Variants in GALNT6 observed in about 807,000 individuals in gnomAD.
The protein encoded by GALNT6 is polypeptide N-acetylgalactosaminyltransferase 6, also known as GalNAc transferase 6.
In GALNT6, 51 loss-of-function variants were observed where a neutral mutation model predicts 65.9. The observed-to-expected ratio is 0.77, with a 90% CI of 0.62 to 0.98. The LOEUF is 0.98. Ranked by LOEUF, GALNT6 falls within the 50% of genes least tolerant of loss-of-function variation. The pLI, the probability that GALNT6 is intolerant of heterozygous loss-of-function variation, is 0.00. For missense variants in GALNT6, 708 were observed against 803.3 expected, an observed-to-expected ratio of 0.88 and a Z score of 1.43; for synonymous variants, 323 against 315.1, an observed-to-expected ratio of 1.02 and a Z score of -0.26.
chr12:51,387,236 T>C lies in GALNT6; in HGVS notation c.-104+3614A>G, dbSNP rs532822965. On this transcript the variant is annotated intron_variant, in intron 2 of 11. Transcript: ENST00000356317. The surrounding 1 kb of genome is among the most constrained non-coding windows in gnomAD (Gnocchi z 4.2). ...CCTCAGCCTCCCGGGTAGCTGGGAT[T>C]ACAGGCGCCCGCCACCACGTCCGGC... 6.6e-6 allele frequency among the ~76,000 whole-genome samples: 1 copy of C among 152,278 alleles called. No individual in the cohort carries two copies. Among genetic ancestry groups the C allele is most frequent in the Admixed American group, 6.5e-5 (1 of 15,304 alleles).
rs1946780723 is a variant in GALNT6 at position 51,357,403 on chromosome 12, G to A, written c.1548C>T (p.Asn516=). Residue 516 remains asparagine (N), a synonymous_variant, in exon 10 of 12, where the codon AAC becomes AAT. Transcript: ENST00000356317. The part of the protein sequence containing the change: ...TNQCLDVGEN[N]RGGKPLIMYS... Reference sequence around the variant, plus strand: ...ACATGATGAGGGGCTTCCCCCCGCGGTTGTTCTCACCCACATCCAGGCATT... The same window carrying A: ...ACATGATGAGGGGCTTCCCCCCGCGATTGTTCTCACCCACATCCAGGCATT... 1 of 1,613,982 alleles carries A rather than the reference G, an allele frequency of 6.2e-7. No individual in the cohort carries two copies. The highest frequency in any genetic ancestry group is 1.7e-5 in the Admixed American group (1 of 60,012).
intron 2 of GALNT6, 70 bp downstream of exon 2, chr12:51,390,780 G>A (rs756874654): frequency 6.6e-6 from 1 of 152,318 alleles, no homozygotes; most frequent in African/African-American, 2.4e-5. Flanking sequence ...CTGCTAGAAG[G>A]GGTCTGCTGT....
chr12:51,359,944 T>C (rs892111022), intron 7 of GALNT6: 1 of 152,234 alleles, frequency 6.6e-6, no homozygotes, highest in African/African-American at 2.4e-5. Flanking sequence ...TTTTGGGTTT[T>C]AGGTGGGAAA....
chr12:51,368,401 T>A (rs1947180938), intron 4 of GALNT6, among the ~76,000 whole-genome samples: 1 of 151,424 alleles, frequency 6.6e-6, no homozygotes, highest in African/African-American at 2.4e-5. Context: ...CCATGTTTTT[T>A]TTTTTTTTCT....
chr12:51,366,089 T>C (rs971952635), intron 4 of GALNT6, among the ~76,000 whole-genome samples: 5 of 152,212 alleles, frequency 3.3e-5, no homozygotes, highest in Admixed American at 2.6e-4. Context: ...GGCTCATTTT[T>C]ACATTTTTAG....
intron 3 of GALNT6, among the ~76,000 whole-genome samples, chr12:51,377,953 C>A (rs1947517891): frequency 6.6e-6 from 1 of 152,240 alleles, no homozygotes; most frequent in Non-Finnish European, 1.5e-5. Flanking sequence ...TCCAGCTACT[C>A]TGTGGCACTT....
chr12:51,367,153 A>G (rs1947134694), intron 4 of GALNT6, among the ~76,000 whole-genome samples: 1 of 152,214 alleles, frequency 6.6e-6, no homozygotes, highest in African/African-American at 2.4e-5. Flanking sequence ...GCTACTCGGG[A>G]GGCTGAGGCA....
At chr12:51,361,143 G>A (rs943814235) in intron 6 of GALNT6, among the ~76,000 whole-genome samples, 20 of 152,190 alleles carry the variant, frequency 1.3e-4, no homozygotes, top group African/African-American at 4.6e-4. Context: ...CACACAGAAC[G>A]GAGAAAGACA....
intron 2 of GALNT6, among the ~76,000 whole-genome samples, chr12:51,380,162 A>G (rs1460825788): frequency 1.3e-5 from 2 of 152,202 alleles, no homozygotes; most frequent in African/African-American, 4.8e-5. Context: ...TTTAATCATT[A>G]TGGCTTTGGG....
chr12:51,357,283 T>C (rs964681721), intron 10 of GALNT6, 66 bp downstream of exon 10: 1 of 1,039,428 alleles, frequency 9.6e-7, no homozygotes, highest in Non-Finnish European at 1.5e-6. Flanking sequence ...AGGAAAGGAC[T>C]CTTTAGGGTA....
At chr12:51,355,677 C>A in intron 11 of GALNT6, 129 bp downstream of exon 11, 1 of 726,590 alleles carries the variant, frequency 1.4e-6, no homozygotes, top group Non-Finnish European at 2.3e-6. Flanking sequence ...ACCATGTTGG[C>A]CAGGTGGTCT....
intron 10 of GALNT6, among the ~76,000 whole-genome samples, chr12:51,356,963 G>A (rs1477997640): frequency 6.6e-6 from 1 of 152,076 alleles, no homozygotes; most frequent in Non-Finnish European, 1.5e-5. Flanking sequence ...ACCTAGTTTT[G>A]GGGTCACTGG....
At position 51,357,361 on chromosome 12, in the gene GALNT6, A is replaced by G. The variant is rs1203212334; in HGVS notation, c.1590T>C (p.Leu530=). Residue 530 remains leucine, a synonymous_variant, in exon 10 of 12, where the codon CTT becomes CTC. Transcript: ENST00000356317. ...GTGGGCTGCATACCTGGTTGCCGCC[A>G]AGGCCGTGGCAGGAGTACATGATGA... is the stretch of plus-strand genomic sequence containing the variant. ...KPLIMYSCHG[L]GGNQYFEYTT... 1 of 1,612,262 alleles carries G rather than the reference A, an allele frequency of 6.2e-7. No homozygotes were observed. Among genetic ancestry groups the G allele is most frequent in the Non-Finnish European group, 8.5e-7 (1 of 1,178,290 alleles).
chr12:51,367,980 C>T (rs1248563084), intron 4 of GALNT6, among the ~76,000 whole-genome samples: 1 of 152,004 alleles, frequency 6.6e-6, no homozygotes, highest in African/African-American at 2.4e-5. Context: ...TGTGAGGACT[C>T]CCCACCTTCT....
chr12:51,364,018 G>T, intron 6 of GALNT6, 103 bp downstream of exon 6: 1 of 789,632 alleles, frequency 1.3e-6, no homozygotes, highest in Non-Finnish European at 2.3e-6. Context: ...TATGTCAAGT[G>T]CTTGATAGAG....
At chr12:51,368,220 T>C (rs1389786355) in intron 4 of GALNT6, among the ~76,000 whole-genome samples, 1 of 145,696 alleles carries the variant, frequency 6.9e-6, no homozygotes, top group East Asian at 2.2e-4. Context: ...CTCTGCTTCC[T>C]CTCGCAGTCA....
At chr12:51,365,637 T>C in intron 4 of GALNT6, 58 bp from the exon 5 acceptor site, 2 of 1,556,762 alleles carry the variant, frequency 1.3e-6, no homozygotes, top group Non-Finnish European at 1.8e-6. Flanking sequence ...CCCAATCCCC[T>C]GTGGGCACCA....
chr12:51,359,067 A>G (rs1946836831), intron 8 of GALNT6, 65 bp downstream of exon 8: 2 of 1,306,438 alleles, frequency 1.5e-6, no homozygotes, highest in African/African-American at 1.4e-5. Flanking sequence ...CATTAGGCCC[A>G]TGAACAGGGT....
In GALNT6 at chr12:51,358,090, G is replaced by A. The variant is rs186318279; in HGVS notation, c.1500+40C>T. On this transcript the variant is annotated intron_variant, in intron 9 of 11. Coordinates refer to ENST00000356317, the MANE Select transcript of GALNT6 (RefSeq NM_007210.4). ...GTGGTCTTGAACTTCTCCAAGGGGT[G>A]CTGTGGTGATGGGCAGGCAGGTTGG... 3.3e-5 allele frequency: 52 copies of A among 1,595,202 alleles called. No homozygotes were observed. In the African/African-American group the frequency reaches 5.1e-4, roughly 16 times the overall value.
Sources: gnomAD v4.1 joint callset for allele counts (sites outside exome capture counted in the v4.1 genomes callset) on GRCh38, gnomAD v4.1.1 for gene constraint, Gnocchi (gnomAD v3.1) non-coding constraint, MANE v1.5 for transcripts, NCBI Gene and HGNC (gene_info 2026-07-23, HGNC 2026-07-21) for gene names.